AGO3: variants seen among roughly 807,000 people sequenced by gnomAD.
The protein encoded by AGO3 is protein argonaute-3.
AGO3 carries 16 observed loss-of-function variants against 105.5 expected under a neutral mutation model. That is an observed-to-expected ratio of 0.15 (90% CI 0.10 to 0.23). The LOEUF is 0.23. Ranked by LOEUF, AGO3 falls within the 10% of genes least tolerant of loss-of-function variation. The pLI, the probability that AGO3 is intolerant of heterozygous loss-of-function variation, is 1.00. For synonymous variants in AGO3, 340 were observed against 367.3 expected (o/e 0.93, Z 0.85); for missense variants, 534 against 1,088.0 (o/e 0.49, Z 7.16).
At chr1:35,935,040 G>A (rs1253597530) in intron 1 of AGO3, among the ~76,000 whole-genome samples, 1 of 152,156 alleles carries the variant, frequency 6.6e-6, no homozygotes, top group Admixed American at 6.5e-5. Context: ...AATTTTGAAA[G>A]TGATAAAGGT....
chr1:36,006,627 CTTT>C (rs1482128791), intron 6 of AGO3, among the ~76,000 whole-genome samples: 3 of 152,056 alleles, frequency 2.0e-5, no homozygotes, highest in Non-Finnish European at 4.4e-5. Flanking sequence ...GTATTTCCTT[CTTT>C]TAAGATCCTC....
intron 11 of AGO3, 116 bp downstream of exon 11, chr1:36,014,164 T>A (rs896228997): frequency 5.0e-5 from 16 of 317,866 alleles, no homozygotes; most frequent in Admixed American, 4.0e-4. Context: ...CACTGAACCA[T>A]TTTTTTTTTT....
chr1:36,026,439 T>A (rs1044884491), intron 11 of AGO3, among the ~76,000 whole-genome samples: 3 of 152,096 alleles, frequency 2.0e-5, no homozygotes, highest in Admixed American at 6.6e-5. Context: ...TTTTATATTT[T>A]AAAAAAATCC....
intron 2 of AGO3, among the ~76,000 whole-genome samples, chr1:35,951,064 C>T (rs1646462256): frequency 6.6e-6 from 1 of 152,082 alleles, no homozygotes; most frequent in Non-Finnish European, 1.5e-5. Flanking sequence ...TCAAGCAATT[C>T]TCCTGCCTCA....
rs980890002 is a variant in AGO3, at chr1:35,999,802, G to A, written c.659-4539G>A. On this transcript the variant is annotated intron_variant, in intron 5 of 18. Transcript: ENST00000373191. ...ATGCACACAATTAATGTTGTGAAGA[G>A]TAATAATTTTGTTTCTCTCTTTCCA... is the stretch of plus-strand genomic sequence containing the variant. 2.6e-5 allele frequency among the ~76,000 whole-genome samples: 4 copies of A among 152,202 alleles called. No homozygotes were observed. In the South Asian group the frequency reaches 8.3e-4, roughly 32 times the overall value.
rs1184248712 is a variant in AGO3, at chr1:36,008,374, G to A, written c.794-316G>A. ...CTTCCCTCTCCCAGCATAAATACCT[G>A]AATTTATTATAAACAGGATTTTTTA... On this transcript the variant is annotated intron_variant, in intron 6 of 18. Coordinates refer to ENST00000373191, the MANE Select transcript of AGO3 (RefSeq NM_024852.4). The surrounding 1 kb of genome is among the most constrained non-coding windows in gnomAD (Gnocchi z 5.1). 6.6e-6 allele frequency among the ~76,000 whole-genome samples: 1 copy of A among 152,062 alleles called. No homozygotes were observed. Among genetic ancestry groups the A allele is most frequent in the African/African-American group, 2.4e-5 (1 of 41,392 alleles).
chr1:35,942,731 T>C (rs1646278731), intron 1 of AGO3, among the ~76,000 whole-genome samples: 1 of 152,232 alleles, frequency 6.6e-6, no homozygotes, highest in Non-Finnish European at 1.5e-5. Context: ...GATTAAAAAA[T>C]GTAAAATATA....
At chr1:35,951,650 A>G (rs1477332001) in intron 2 of AGO3, among the ~76,000 whole-genome samples, 3 of 152,152 alleles carry the variant, frequency 2.0e-5, no homozygotes, top group Admixed American at 6.5e-5. Context: ...TGGCCTTTCA[A>G]AGTGCTGGGA....
chr1:35,931,218 C>T lies in AGO3; in HGVS notation c.-209C>T, dbSNP rs1646039238. The stretch of plus-strand genomic sequence containing the variant: ...TGTCCGCGCCTCACATCTCCCCTTC[C>T]TCTCGCCTAGTCCTGTGCCGTTTTC... On this transcript the variant is annotated 5_prime_UTR_variant, in exon 1 of 19. Transcript: ENST00000373191. The T allele has an allele frequency of 2.4e-6, 1 of 412,810 alleles. No homozygotes were observed. The highest frequency in any genetic ancestry group is 3.6e-5 in the East Asian group (1 of 28,058). 25.6% of individuals were successfully genotyped at this position (412,810 alleles called of 1,614,324 possible).
intron 2 of AGO3, among the ~76,000 whole-genome samples, chr1:35,946,877 C>T (rs1001458637): frequency 5.3e-5 from 8 of 152,152 alleles, no homozygotes; most frequent in African/African-American, 1.7e-4. Context: ...TGAAAGGAAC[C>T]TCTTAAGAAG....
Position 36,055,893 on chromosome 1 carries a change from T to C in AGO3, c.*148T>C. 3.1e-6 allele frequency: 2 copies of C among 643,456 alleles called. No individual in the cohort carries two copies. The highest frequency in any genetic ancestry group is 5.3e-6 in the Non-Finnish European group (2 of 380,012). The allele number at this position is 643,456 out of a possible 1,614,324, so 39.9% of individuals were successfully genotyped here. On this transcript the variant is annotated 3_prime_UTR_variant, in exon 19 of 19. Coordinates refer to ENST00000373191, the MANE Select transcript of AGO3 (RefSeq NM_024852.4). The surrounding 1 kb of genome is among the most constrained non-coding windows in gnomAD (Gnocchi z 4.4). Reference sequence around the variant, plus strand: ...GGCCAAGGTCTGATCCTTATGTTAATACAAGGAAGATTGTTTACTTCATCA... The same window carrying C: ...GGCCAAGGTCTGATCCTTATGTTAACACAAGGAAGATTGTTTACTTCATCA...
At chr1:36,036,291 T>TA (rs1462024155) in intron 14 of AGO3, 24 bp downstream of exon 14, 1 of 1,605,838 alleles carries the variant, frequency 6.2e-7, no homozygotes. Context: ...AGGTTTATCT[T>TA]ACCTAAGGTT....
At chr1:36,033,642 CAAAA>C (rs10717828) in intron 12 of AGO3, among the ~76,000 whole-genome samples, 2 of 131,570 alleles carry the variant, frequency 1.5e-5, no homozygotes, top group Admixed American at 7.6e-5. Flanking sequence ...GAGATCCTCT[CAAAA>C]AAAAAAAAAA....
chr1:36,007,103 G>A (rs1640371158), intron 6 of AGO3, among the ~76,000 whole-genome samples: 3 of 152,194 alleles, frequency 2.0e-5, no homozygotes, highest in Admixed American at 6.5e-5. Flanking sequence ...CTCTAGTCAT[G>A]CCTATCAGTT....
In AGO3 at chr1:35,972,863, T is replaced by A. The variant is rs1454045772; in HGVS notation, c.522-512T>A. Among the ~76,000 whole-genome samples the A allele has an allele frequency of 6.4e-5, 9 of 141,660 alleles. No homozygotes were observed. In the South Asian group the frequency reaches 8.8e-4, roughly 14 times the overall value. The allele number at this position is 141,660 out of a possible 152,430, so 92.9% of individuals were successfully genotyped here. On this transcript the variant is annotated intron_variant, in intron 4 of 18. Transcript: ENST00000373191. ...CTGACTAATTAAAAAAAAATTTTTT[T>A]TTTTTTTTTTTTTTGTAGAGATGGA...
At chr1:36,007,931 C>G (rs1026952606) in intron 6 of AGO3, among the ~76,000 whole-genome samples, 1 of 152,086 alleles carries the variant, frequency 6.6e-6, no homozygotes, top group African/African-American at 2.4e-5. Flanking sequence ...TCCTTGAACC[C>G]CTAGAGTCCA....
intron 8 of AGO3, 39 bp from the exon 9 acceptor site, chr1:36,009,436 G>GAT (rs1188264603): frequency 6.4e-7 from 1 of 1,558,454 alleles, no homozygotes; most frequent in Non-Finnish European, 8.6e-7. Flanking sequence ...AAAAAAAAAA[G>GAT]ATATATACAT....
At chr1:36,039,106 T>C (rs1049478689) in intron 14 of AGO3, among the ~76,000 whole-genome samples, 7 of 152,248 alleles carry the variant, frequency 4.6e-5, no homozygotes, top group African/African-American at 1.7e-4. Context: ...GTTAAATGTA[T>C]AGTTCAGCCT....
At position 35,973,518 on chromosome 1, in the gene AGO3, G is replaced by A. The variant is rs1646904060; in HGVS notation, c.658+7G>A. 1.3e-6 allele frequency: 2 copies of A among 1,562,632 alleles called. No homozygotes were observed. Among genetic ancestry groups the A allele is most frequent in the Non-Finnish European group, 1.7e-6 (2 of 1,149,052 alleles). ...ATGATGCTTAATATCGATGGTAAGG[G>A]AACTAAAGCCATATTCTGTATTGGG... On this transcript the variant is annotated splice_region_variant and intron_variant, in intron 5 of 18. Coordinates refer to ENST00000373191, the MANE Select transcript of AGO3 (RefSeq NM_024852.4).
Sources: gnomAD v4.1 joint callset for allele counts (sites outside exome capture counted in the v4.1 genomes callset) on GRCh38, gnomAD v4.1.1 for gene constraint, Gnocchi (gnomAD v3.1) non-coding constraint, MANE v1.5 for transcripts, NCBI Gene and HGNC (gene_info 2026-07-23, HGNC 2026-07-21) for gene names.